The following ZMIZ1 variants were observed in gnomAD, a reference collection of about 807,000 sequenced individuals.
ZMIZ1 encodes the protein zinc finger MIZ domain-containing protein 1.
Under a neutral mutation model 113.9 loss-of-function variants are expected in ZMIZ1, and 17 were observed. The observed-to-expected ratio is 0.15, with a 90% confidence interval of 0.10 to 0.22. ZMIZ1 has a LOEUF of 0.22. Ranked by LOEUF, ZMIZ1 falls within the 10% of genes least tolerant of loss-of-function variation. The probability of loss-of-function intolerance (pLI) is 1.00; values close to 1 mark genes in which losing one functional copy is unlikely to be tolerated. For synonymous variants in ZMIZ1, 607 were observed against 603.1 expected, an observed-to-expected ratio of 1.01 and a Z score of -0.09; for missense variants, 1,059 against 1,477.8, an observed-to-expected ratio of 0.72 and a Z score of 4.65.
In ZMIZ1 at chr10:79,312,993, C is replaced by G; in HGVS notation, c.*244C>G. ...CACCTCCACACCCTTGGCTTGGGCC[C>G]ATGCCCAGCGCAGGCCTGAAGACCA... On this transcript the variant is annotated 3_prime_UTR_variant, in exon 25 of 25. Coordinates refer to ENST00000334512, the MANE Select transcript of ZMIZ1 (RefSeq NM_020338.4). 1.8e-6 allele frequency: 1 copy of G among 545,520 alleles called. No homozygotes were observed. The highest frequency in any genetic ancestry group is 3.3e-6 in the Non-Finnish European group (1 of 304,694). The allele number at this position is 545,520 out of a possible 1,614,324, so 33.8% of individuals were successfully genotyped here.
At chr10:79,144,768 TC>T (rs1211330477) in intron 3 of ZMIZ1, among the ~76,000 whole-genome samples, 2 of 152,396 alleles carry the variant, frequency 1.3e-5, no homozygotes, top group Middle Eastern at 6.8e-3. Flanking sequence ...CTGTTTAACT[TC>T]AATCAAGTTT....
intron 7 of ZMIZ1, among the ~76,000 whole-genome samples, chr10:79,224,673 A>T (rs926327923): frequency 6.6e-6 from 1 of 152,108 alleles, no homozygotes; most frequent in Non-Finnish European, 1.5e-5. Flanking sequence ...CCTGATTGGG[A>T]TAGGGGATCT....
Position 79,145,846 on chromosome 10 carries a change from A to G in ZMIZ1, c.-131+6069A>G, listed in dbSNP as rs75564741. ...CTCAGCCTTCTGAATACCTGGGACT[A>G]TAGATGCATTCCAGCATGCCTGGCT... On this transcript the variant is annotated intron_variant, in intron 3 of 24. Transcript: ENST00000334512. 7.7e-3 allele frequency among the ~76,000 whole-genome samples: 1,168 copies of G among 152,290 alleles called. 14 individuals carry two copies. Among genetic ancestry groups the G allele is most frequent in the African/African-American group, 0.026 (1,097 of 41,540 alleles).
At chr10:79,244,812 T>C (rs1284315077) in intron 7 of ZMIZ1, among the ~76,000 whole-genome samples, 5 of 152,118 alleles carry the variant, frequency 3.3e-5, no homozygotes, top group Non-Finnish European at 7.4e-5. Context: ...GGCCGTGCCA[T>C]CCTGAAGTCA....
chr10:79,196,580 TGG>T, intron 4 of ZMIZ1, among the ~76,000 whole-genome samples: 1 of 152,334 alleles, frequency 6.6e-6, no homozygotes, highest in South Asian at 2.1e-4. Context: ...TGACCCCACG[TGG>T]GGCCAGCCCG....
intron 6 of ZMIZ1, among the ~76,000 whole-genome samples, chr10:79,213,711 C>G (rs1308704092): frequency 2.3e-4 from 35 of 152,204 alleles, no homozygotes; most frequent in Admixed American, 2.3e-3. Context: ...TGGCGTTAAC[C>G]CTTTGTGGAC....
chr10:79,107,516 G>T (rs1323713026), intron 1 of ZMIZ1, among the ~76,000 whole-genome samples: 1 of 152,224 alleles, frequency 6.6e-6, no homozygotes, highest in African/African-American at 2.4e-5. Flanking sequence ...TCACAGTCTG[G>T]TGAATGTGAG....
At chr10:79,175,583 C>CGCGTGTGTGTGT (rs1406237695) in intron 4 of ZMIZ1, among the ~76,000 whole-genome samples, 2 of 125,304 alleles carry the variant, frequency 1.6e-5, no homozygotes, top group African/African-American at 6.6e-5. Context: ...GTGCACTCTG[C>CGCGTGTGTGTGT]GTGTGTGTGT....
At chr10:79,225,833 G>C (rs1355268953) in intron 7 of ZMIZ1, among the ~76,000 whole-genome samples, 2 of 152,166 alleles carry the variant, frequency 1.3e-5, no homozygotes, top group Non-Finnish European at 2.9e-5. Flanking sequence ...CCTGGGGTAG[G>C]CTGTGCCCTG....
chr10:79,268,376 T>C (rs141958522), intron 7 of ZMIZ1, among the ~76,000 whole-genome samples: 44 of 152,336 alleles, frequency 2.9e-4, no homozygotes, highest in Non-Finnish European at 5.0e-4. Flanking sequence ...TTCAGAACCC[T>C]GTTTCTGAAG....
In ZMIZ1 at chr10:79,296,867, A is replaced by G. The variant is rs1369059484; in HGVS notation, c.1413+214A>G. ...CAGTTCCTATTCTCATTCGTCTCGGATGATGGTTTTTTTTTCTCCTTTTCT... is the reference window on the plus strand; with the variant it reads ...CAGTTCCTATTCTCATTCGTCTCGGGTGATGGTTTTTTTTTCTCCTTTTCT... On this transcript the variant is annotated intron_variant, in intron 13 of 24. Transcript: ENST00000334512. This position sits in a 1 kb window ranked among gnomAD's most constrained non-coding sequence, Gnocchi z 4.1. The G allele has an allele frequency of 1.9e-5, 8 of 412,364 alleles. No individual in the cohort carries two copies. The highest frequency in any genetic ancestry group is 2.0e-4 in the South Asian group (2 of 10,240). The allele number at this position is 412,364 out of a possible 1,614,324, so 25.5% of individuals were successfully genotyped here.
Position 79,157,905 on chromosome 10 carries a change from A to G in ZMIZ1, c.-130-4148A>G, listed in dbSNP as rs114366136. Among the ~76,000 whole-genome samples the G allele has an allele frequency of 4.2e-3, 636 of 152,246 alleles. 8 individuals are homozygous for G. Among genetic ancestry groups the G allele is most frequent in the African/African-American group, 0.015 (610 of 41,556 alleles). On this transcript the variant is annotated intron_variant, in intron 3 of 24. Coordinates refer to ENST00000334512, the MANE Select transcript of ZMIZ1 (RefSeq NM_020338.4). ...TTGGGGAATCCCCTGTCACCCCAAG[A>G]GTCTGCCTGTTGCCTGACCAGCAGC... is the stretch of plus-strand genomic sequence containing the variant.
At chr10:79,311,513 C>T (rs909085170) in intron 24 of ZMIZ1, among the ~76,000 whole-genome samples, 2 of 152,140 alleles carry the variant, frequency 1.3e-5, no homozygotes, top group African/African-American at 2.4e-5. Context: ...GGTGAGCTTG[C>T]GGTTTCTGTG....
At chr10:79,146,664 C>G (rs892934322) in intron 3 of ZMIZ1, among the ~76,000 whole-genome samples, 2 of 152,268 alleles carry the variant, frequency 1.3e-5, no homozygotes, top group African/African-American at 4.8e-5. Flanking sequence ...CAGCAGACAT[C>G]TGCCCTCTGG....
At chr10:79,178,610 A>C (rs545083434) in intron 4 of ZMIZ1, among the ~76,000 whole-genome samples, 5 of 152,220 alleles carry the variant, frequency 3.3e-5, no homozygotes, top group African/African-American at 9.6e-5. Context: ...GATTAAGGCT[A>C]TCTCCTCCTG....
intron 4 of ZMIZ1, among the ~76,000 whole-genome samples, chr10:79,192,124 T>C (rs112365502): frequency 1.2e-4 from 19 of 152,312 alleles, no homozygotes; most frequent in African/African-American, 4.6e-4. Context: ...ATTTGGAGTA[T>C]GGCCAGAGGA....
chr10:79,103,384 G>GC (rs1318899150), intron 1 of ZMIZ1, among the ~76,000 whole-genome samples: 2 of 152,188 alleles, frequency 1.3e-5, no homozygotes, highest in Non-Finnish European at 2.9e-5. Flanking sequence ...AGGGGCTGTT[G>GC]CCCCCACCCA....
intron 7 of ZMIZ1, among the ~76,000 whole-genome samples, chr10:79,251,638 T>C (rs908367848): frequency 6.6e-6 from 1 of 152,088 alleles, no homozygotes; most frequent in Non-Finnish European, 1.5e-5. Flanking sequence ...GAGCAAATAG[T>C]CCCCCTGCCT....
At chr10:79,151,331 C>G (rs1439620072) in intron 3 of ZMIZ1, among the ~76,000 whole-genome samples, 1 of 152,182 alleles carries the variant, frequency 6.6e-6, no homozygotes, top group Non-Finnish European at 1.5e-5. Context: ...AGTGCTGGGC[C>G]CCCTGCGGCC....
Sources: gnomAD v4.1 joint callset for allele counts (sites outside exome capture counted in the v4.1 genomes callset) on GRCh38, gnomAD v4.1.1 for gene constraint, Gnocchi (gnomAD v3.1) non-coding constraint, MANE v1.5 for transcripts, NCBI Gene and HGNC (gene_info 2026-07-23, HGNC 2026-07-21) for gene names.